Variants in YJEFN3 observed in about 807,000 individuals in gnomAD.
The protein encoded by YJEFN3 is YjeF N-terminal domain containing 3.
In YJEFN3, 29 loss-of-function variants were observed where a neutral mutation model predicts 31.5. The observed-to-expected ratio is 0.92, with a 90% CI of 0.69 to 1.26. YJEFN3 has a LOEUF of 1.26. YJEFN3 is among the 50% of genes most tolerant of loss of function. YJEFN3 has a pLI of 0.00. For missense variants in YJEFN3, 442 were observed against 425.4 expected, an observed-to-expected ratio of 1.04 and a Z score of -0.34; for synonymous variants, 227 against 196.1, an observed-to-expected ratio of 1.16 and a Z score of -1.32.
intron 3 of YJEFN3, chr19:19,532,966 C>A: frequency 7.6e-7 from 1 of 1,309,650 alleles, no homozygotes; most frequent in East Asian, 3.1e-5. Context: ...GAGGTTATTG[C>A]AGGGACAGTG....
At chr19:19,535,861 C>A in intron 6 of YJEFN3, 182 bp downstream of exon 6, 1 of 782,032 alleles carries the variant, frequency 1.3e-6, no homozygotes, top group African/African-American at 1.7e-5. Context: ...GGCTGCCACC[C>A]CAGGTGACCC....
chr19:19,530,524 C>T (rs2061145337), intron 2 of YJEFN3, among the ~76,000 whole-genome samples: 1 of 152,092 alleles, frequency 6.6e-6, no homozygotes, highest in African/African-American at 2.4e-5. Flanking sequence ...AGCTTTGGGA[C>T]AGAAGAAGAG....
chr19:19,535,227 G>T (rs2061196233), intron 4 of YJEFN3, 83 bp downstream of exon 4: 25 of 1,509,228 alleles, frequency 1.7e-5, no homozygotes, highest in Non-Finnish European at 2.0e-5. Flanking sequence ...TTCCCAGGGG[G>T]ACATTGACGC....
intron 2 of YJEFN3, among the ~76,000 whole-genome samples, chr19:19,530,635 C>A (rs1185273899): frequency 1.3e-5 from 2 of 152,214 alleles, no homozygotes; most frequent in Non-Finnish European, 2.9e-5. Flanking sequence ...GAGCCATGTT[C>A]CCAGCCTGCC....
chr19:19,536,447 G>A (rs1050157332), intron 6 of YJEFN3, among the ~76,000 whole-genome samples: 3 of 152,198 alleles, frequency 2.0e-5, no homozygotes, highest in African/African-American at 7.2e-5. Context: ...TTGGGAGGTC[G>A]AGGTGGGCGG....
At chr19:19,533,870 G>A in intron 3 of YJEFN3, 3 of 985,532 alleles carry the variant, frequency 3.0e-6, no homozygotes, top group Non-Finnish European at 3.6e-6. Context: ...CTGTCCAGAA[G>A]CCCCTCAGTC....
intron 2 of YJEFN3, among the ~76,000 whole-genome samples, chr19:19,530,625 G>A (rs2144655260): frequency 6.6e-6 from 1 of 152,288 alleles, no homozygotes; most frequent in South Asian, 2.1e-4. Flanking sequence ...GTGGAGGAAT[G>A]AGCCATGTTC....
Position 19,535,612 on chromosome 19 carries a change from C to T in YJEFN3, c.627C>T (p.Pro209=), listed in dbSNP as rs1309388336. 2 of 1,587,386 alleles carry T rather than the reference C, an allele frequency of 1.3e-6. No individual in the cohort carries two copies. The highest frequency in any genetic ancestry group is 1.7e-6 in the Non-Finnish European group (2 of 1,166,774). ...TGGAGCCGGGCGAGGTCGGGGGCCC[C>T]TGCACCCGCGCGCTGGCCACGCTCA... ...PGVEPGEVGG[P]CTRALATLKL... The change falls in exon 6 of 7, where the codon CCC becomes CCT. Residue 209 remains proline, a synonymous_variant. Transcript: ENST00000514277.
At chr19:19,531,637 G>GC (rs1458485261) in intron 2 of YJEFN3, among the ~76,000 whole-genome samples, 3 of 151,016 alleles carry the variant, frequency 2.0e-5, no homozygotes, top group African/African-American at 7.3e-5. Flanking sequence ...GAGAGGTGGA[G>GC]ACGGACCCCA....
chr19:19,531,718 C>CTTTTTTTTTTTTTTTTTTTTTTTT lies in YJEFN3; in HGVS notation c.210-907_210-884dup, dbSNP rs56747140. On this transcript the variant is annotated intron_variant, in intron 2 of 6. Transcript: ENST00000514277. ...GCCACATTTTCTGGCAACAAATAACCTTTTTTTTTTTTTTTTTTTTTTTTT... is the reference window on the plus strand; with the variant it reads ...GCCACATTTTCTGGCAACAAATAACCTTTTTTTTTTTTTTTTTTTTTTTTTTTTTTTTTTTTTTTTTTTTTTTTT... Among the ~76,000 whole-genome samples, 9 of 75,864 alleles carry CTTTTTTTTTTTTTTTTTTTTTTTT rather than the reference C, an allele frequency of 1.2e-4. 3 individuals are homozygous for CTTTTTTTTTTTTTTTTTTTTTTTT. Among genetic ancestry groups the CTTTTTTTTTTTTTTTTTTTTTTTT allele is most frequent in the African/African-American group, 6.8e-4 (9 of 13,252 alleles). 49.8% of individuals were successfully genotyped at this position (75,864 alleles called of 152,430 possible). A position where few individuals can be genotyped will look rare whatever the true frequency, so the allele number is the denominator to read the frequency against.
rs375052081 is a variant in YJEFN3 at position 19,528,929 on chromosome 19, G to A, written c.-4G>A. ...AGCGCCCGGCGCCCGGGCTCACCTC[G>A]GCCATGAGCAGCGCAGCCGGCCCAG... On this transcript the variant is annotated 5_prime_UTR_variant, in exon 1 of 7. Transcript: ENST00000514277. 13 of 1,548,012 alleles carry A rather than the reference G, an allele frequency of 8.4e-6. No homozygotes were observed. The highest frequency in any genetic ancestry group is 8.7e-6 in the Non-Finnish European group (10 of 1,146,038).
rs372687660 is a variant in YJEFN3, at chr19:19,535,620, G to C, written c.635G>C (p.Arg212Pro). 6.3e-7 allele frequency: 1 copy of C among 1,588,626 alleles called. No individual in the cohort carries two copies. Among genetic ancestry groups the C allele is most frequent in the Non-Finnish European group, 8.6e-7 (1 of 1,167,828 alleles). Reference sequence around the variant, plus strand: ...GGCGAGGTCGGGGGCCCCTGCACCCGCGCGCTGGCCACGCTCAAGCTGCTG... The same window carrying C: ...GGCGAGGTCGGGGGCCCCTGCACCCCCGCGCTGGCCACGCTCAAGCTGCTG... ...EPGEVGGPCT[R>P]ALATLKLLSI... is the part of the protein sequence containing the mutation. Residue 212 changes from arginine (R) to proline (P), a missense_variant, in exon 6 of 7, where the codon CGC (arginine) becomes CCC (proline). Arg to Pro is a moderately radical substitution (Grantham distance 103). Coordinates refer to ENST00000514277, the MANE Select transcript of YJEFN3 (RefSeq NM_198537.4).
Position 19,528,916 on chromosome 19 carries a change from C to CCGGGCTCA in YJEFN3, c.-15_-8dup. The CCGGGCTCA allele has an allele frequency of 1.9e-6, 3 of 1,547,164 alleles. No individual in the cohort carries two copies. Among genetic ancestry groups the CCGGGCTCA allele is most frequent in the Non-Finnish European group, 1.7e-6 (2 of 1,145,882 alleles). On this transcript the variant is annotated 5_prime_UTR_variant, in exon 1 of 7. Coordinates refer to ENST00000514277, the MANE Select transcript of YJEFN3 (RefSeq NM_198537.4). ...TGGCGGTGGCGGCAGCGCCCGGCGC[C>CCGGGCTCA]CGGGCTCACCTCGGCCATGAGCAGC... is the stretch of plus-strand genomic sequence containing the variant.
chr19:19,535,973 C>T (rs903370830), intron 6 of YJEFN3: 9 of 567,144 alleles, frequency 1.6e-5, no homozygotes, highest in African/African-American at 7.7e-5. Context: ...GCAAAGGCCG[C>T]GCCCGCCCTG....
chr19:19,537,238 G>A, intron 6 of YJEFN3, 81 bp from the exon 7 acceptor site: 2 of 1,300,422 alleles, frequency 1.5e-6, no homozygotes, highest in Non-Finnish European at 2.1e-6. Flanking sequence ...GGAGAGGAGA[G>A]GAGGCAGGGA....
chr19:19,535,473 G>A (rs185100432), intron 5 of YJEFN3, 23 bp downstream of exon 5: 7 of 1,613,656 alleles, frequency 4.3e-6, no homozygotes, highest in Non-Finnish European at 5.1e-6. Flanking sequence ...TGGCAAGCAA[G>A]GGGGACATGG....
At chr19:19,532,592 T>A in intron 2 of YJEFN3, 40 bp from the exon 3 acceptor site, 6 of 1,382,518 alleles carry the variant, frequency 4.3e-6, no homozygotes, top group Non-Finnish European at 5.9e-6. Context: ...AGGCTCTGTC[T>A]CTGTGTGTCT....
At position 19,531,718 on chromosome 19, in the gene YJEFN3, C is replaced by CTTTTTTTTTTTTTTTT. The variant is rs56747140; in HGVS notation, c.210-899_210-884dup. Among the ~76,000 whole-genome samples, 90 of 75,864 alleles carry CTTTTTTTTTTTTTTTT rather than the reference C, an allele frequency of 1.2e-3. 11 individuals carry two copies. The highest frequency in any genetic ancestry group is 6.4e-3 in the African/African-American group (85 of 13,252). 49.8% of individuals were successfully genotyped at this position (75,864 alleles called of 152,430 possible). A position where few individuals can be genotyped will look rare whatever the true frequency, so the allele number is the denominator to read the frequency against. On this transcript the variant is annotated intron_variant, in intron 2 of 6. Transcript: ENST00000514277. ...GCCACATTTTCTGGCAACAAATAAC[C>CTTTTTTTTTTTTTTTT]TTTTTTTTTTTTTTTTTTTTTTTTT...
rs200227282 is a variant in YJEFN3, at chr19:19,535,658, G to T, written c.673G>T (p.Val225Leu). Reference sequence around the variant, plus strand: ...GCTCAAGCTGCTGTCCATCCCCCTCGTGAGCCTGGACATCCCCTCAGGCAT... The same window carrying T: ...GCTCAAGCTGCTGTCCATCCCCCTCTTGAGCCTGGACATCCCCTCAGGCAT... Reference protein sequence around the residue: ...ATLKLLSIPLVSLDIPSGWDA... With the variant: ...ATLKLLSIPLLSLDIPSGWDA... The change falls in exon 6 of 7, where the codon GTG (valine) becomes TTG (leucine). Residue 225 changes from valine to leucine, a missense_variant. Transcript: ENST00000514277. 1 of 1,568,576 alleles carries T rather than the reference G, an allele frequency of 6.4e-7. No homozygotes were observed. The highest frequency in any genetic ancestry group is 2.3e-5 in the East Asian group (1 of 42,570).
Sources: allele counts gnomAD v4.1 joint callset (sites outside exome capture counted in the v4.1 genomes callset), GRCh38; gene constraint gnomAD v4.1.1; transcripts MANE v1.5; gene names NCBI Gene and HGNC (gene_info 2026-07-23, HGNC 2026-07-21).